DIP2A: variants seen among roughly 807,000 people sequenced by gnomAD.
The protein encoded by DIP2A is DIP2 acetate--CoA ligase A, also known as disco-interacting protein 2 homolog A.
A neutral mutation model predicts 177.4 loss-of-function variants in DIP2A; 85 were observed. That is an observed-to-expected ratio of 0.48 (90% CI 0.40 to 0.57). The LOEUF (loss-of-function observed/expected upper bound fraction) is 0.57, where lower values mean the gene tolerates loss of function less well. DIP2A is among the 20% of genes least tolerant of loss of function. The pLI, the probability that DIP2A is intolerant of heterozygous loss-of-function variation, is 0.00. For synonymous variants in DIP2A, 886 were observed against 881.8 expected, an observed-to-expected ratio of 1.00 and a Z score of -0.08; for missense variants, 1,791 against 2,100.2, an observed-to-expected ratio of 0.85 and a Z score of 2.88.
chr21:46,527,849 A>G (rs1462590904), intron 8 of DIP2A, among the ~76,000 whole-genome samples: 1 of 152,002 alleles, frequency 6.6e-6, no homozygotes, highest in African/African-American at 2.4e-5. Context: ...GGCTCCTTCA[A>G]GTGTGGGGGG....
At chr21:46,515,820 G>A (rs2058549140) in intron 8 of DIP2A, among the ~76,000 whole-genome samples, 1 of 152,144 alleles carries the variant, frequency 6.6e-6, no homozygotes, top group South Asian at 2.1e-4. Flanking sequence ...ACAGGCGTGA[G>A]CTCCCATGCC....
At chr21:46,479,445 C>T (rs1049133955) in intron 1 of DIP2A, among the ~76,000 whole-genome samples, 8 of 152,152 alleles carry the variant, frequency 5.3e-5, no homozygotes, top group Admixed American at 6.6e-5. Context: ...TTAAAAAGCC[C>T]GCTTTTAATT....
chr21:46,561,511 G>T, intron 33 of DIP2A: 1 of 606,114 alleles, frequency 1.6e-6, no homozygotes, highest in Admixed American at 2.6e-5. Context: ...GAAATGTAGA[G>T]TGAGCTGCTG....
chr21:46,564,279 C>G (rs1027043901), intron 35 of DIP2A, among the ~76,000 whole-genome samples: 5 of 152,198 alleles, frequency 3.3e-5, no homozygotes, highest in African/African-American at 1.2e-4. Context: ...CCCTGGCACC[C>G]AGGCAGGAGC....
Position 46,527,263 on chromosome 21 carries a change from T to G in DIP2A, c.1103-1829T>G, listed in dbSNP as rs12053668. Among the ~76,000 whole-genome samples the G allele has an allele frequency of 1.1e-4, 16 of 151,656 alleles. No individual in the cohort carries two copies. The East Asian group carries it at 2.5e-3, about 24-fold the overall frequency. ...ATTCAGTTTGAAATTCTTTATGCAT[T>G]ACAATTATTAACACCTTAAACTGAC... On this transcript the variant is annotated intron_variant, in intron 8 of 37. Transcript: ENST00000417564.
At position 46,503,570 on chromosome 21, in the gene DIP2A, T is replaced by TCC. The variant is rs1427829613; in HGVS notation, c.656-791_656-790insCC. ...TTTGTTTCTGCTTCCTTGAGGGAAT[T>TCC]TCTTCCTTCCTTCCTTCCTTCCTTC... On this transcript the variant is annotated intron_variant, in intron 5 of 37. Coordinates refer to ENST00000417564, the MANE Select transcript of DIP2A (RefSeq NM_015151.4). 3.3e-3 allele frequency among the ~76,000 whole-genome samples: 268 copies of TCC among 80,752 alleles called. 6 individuals carry two copies. Among genetic ancestry groups the TCC allele is most frequent in the African/African-American group, 7.1e-3 (145 of 20,498 alleles). The allele number at this position is 80,752 out of a possible 152,430, so 53.0% of individuals were successfully genotyped here.
At position 46,498,676 on chromosome 21, in the gene DIP2A, G is replaced by A; in HGVS notation, c.498G>A (p.Trp166Ter). The A allele has an allele frequency of 6.2e-7, 1 of 1,613,720 alleles. No homozygotes were observed. ...PLQSHSSVEPWLDRVIQGSST... is the reference protein window; with the variant it reads ...PLQSHSSVEP ...AGAGCCATTCCAGCGTCGAGCCCTG[G>A]CTCGACCGGGTCATTCAGGGCTCGT... Residue 166 changes from tryptophan to a stop codon, truncating the protein, a stop_gained, in exon 5 of 38, where the codon TGG becomes TGA. Transcript: ENST00000417564. LOFTEE classifies it high-confidence loss of function. This position sits in a 1 kb window ranked among gnomAD's most constrained non-coding sequence, Gnocchi z 4.3.
At chr21:46,531,674 A>G (rs571957687) in intron 9 of DIP2A, among the ~76,000 whole-genome samples, 35 of 152,364 alleles carry the variant, frequency 2.3e-4, no homozygotes, top group African/African-American at 8.2e-4. Context: ...TCTGCCTCCT[A>G]TAATATTACA....
chr21:46,498,621 G>T lies in DIP2A; in HGVS notation c.443G>T (p.Arg148Leu). 1 of 1,612,550 alleles carries T rather than the reference G, an allele frequency of 6.2e-7. No individual in the cohort carries two copies. Among genetic ancestry groups the T allele is most frequent in the South Asian group, 1.1e-5 (1 of 91,042 alleles). Residue 148 changes from arginine to leucine, a missense_variant, in exon 5 of 38, where the codon CGA becomes CTA. Coordinates refer to ENST00000417564, the MANE Select transcript of DIP2A (RefSeq NM_015151.4). This position sits in a 1 kb window ranked among gnomAD's most constrained non-coding sequence, Gnocchi z 4.3. The stretch of plus-strand genomic sequence containing the variant: ...TCAGAAGATGAGGGCTCTTTACGGC[G>T]ACCCGGGCGACTCACCTCCACTCCG... ...SASEDEGSLR[R>L]PGRLTSTPLQ...
intron 15 of DIP2A, 90 bp from the exon 16 acceptor site, chr21:46,538,391 CCT>C (rs2059661207): frequency 6.7e-7 from 1 of 1,482,966 alleles, no homozygotes; most frequent in South Asian, 1.3e-5. Context: ...TGCATGTACA[CCT>C]CTCTGTGGGA....
intron 1 of DIP2A, among the ~76,000 whole-genome samples, chr21:46,470,888 C>G (rs1488479299): frequency 6.8e-6 from 1 of 147,918 alleles, no homozygotes; most frequent in Non-Finnish European, 1.5e-5. Context: ...AAGATAATAC[C>G]ACTGCACTCC....
chr21:46,565,881 A>G lies in DIP2A; in HGVS notation c.4333A>G (p.Ser1445Gly). 1 of 1,613,850 alleles carries G rather than the reference A, an allele frequency of 6.2e-7. No homozygotes were observed. Among genetic ancestry groups the G allele is most frequent in the Admixed American group, 1.7e-5 (1 of 60,020 alleles). ...TCGGCGAACAGAGCTCACTGATGCC[A>G]GTGGAGGTGAGGGGTTGTGGTGAAG... is the stretch of plus-strand genomic sequence containing the variant. ...FLRRTELTDA[S>G]GGRHDALYVV... The change falls in exon 36 of 38, where the codon AGT becomes GGT. Residue 1445 changes from serine (S) to glycine (G), a missense_variant. Transcript: ENST00000417564.
intron 8 of DIP2A, among the ~76,000 whole-genome samples, chr21:46,523,335 A>T (rs1041866097): frequency 2.6e-5 from 4 of 151,420 alleles, no homozygotes; most frequent in African/African-American, 9.7e-5. Flanking sequence ...CCCAGGTTCA[A>T]GCAGTTCTCC....
rs58546395 is a variant in DIP2A, at chr21:46,464,844, T to TTTTTTTTTTTTCCCC, written c.91+5622_91+5623insTTTTTTTTTTTCCCC. Reference sequence around the variant, plus strand: ...TTTTTTTTTTTTTTTTTTTTTTTTTTCAAGAAAACACACAACAAATGTCAG... The same window carrying TTTTTTTTTTTTCCCC: ...TTTTTTTTTTTTTTTTTTTTTTTTTTTTTTTTTTTTTCCCCCAAGAAAACACACAACAAATGTCAG... On this transcript the variant is annotated intron_variant, in intron 1 of 37. Coordinates refer to ENST00000417564, the MANE Select transcript of DIP2A (RefSeq NM_015151.4). Among the ~76,000 whole-genome samples, 2 of 111,218 alleles carry TTTTTTTTTTTTCCCC rather than the reference T, an allele frequency of 1.8e-5. 1 individual carries two copies. The highest frequency in any genetic ancestry group is 8.4e-5 in the African/African-American group (2 of 23,948). 73.0% of individuals were successfully genotyped at this position (111,218 alleles called of 152,430 possible).
chr21:46,579,653 TC>T, the DIP2A span, among the ~76,000 whole-genome samples: 4 of 152,222 alleles, frequency 2.6e-5, no homozygotes, highest in Non-Finnish European at 5.9e-5. Flanking sequence ...GTATATTGTC[TC>T]TTTGTTCTCA....
intron 5 of DIP2A, among the ~76,000 whole-genome samples, chr21:46,501,348 G>C (rs1394902526): frequency 6.6e-6 from 1 of 151,860 alleles, no homozygotes; most frequent in Non-Finnish European, 1.5e-5. Context: ...TTTAATTATA[G>C]TAGCTTCTTT....
intron 13 of DIP2A, among the ~76,000 whole-genome samples, chr21:46,535,447 C>T (rs1291770225): frequency 1.3e-5 from 2 of 152,070 alleles, no homozygotes; most frequent in Non-Finnish European, 2.9e-5. Context: ...AGGCCAGGTG[C>T]AGTGGTTCAT....
At chr21:46,566,846 G>A (rs9975751) in intron 37 of DIP2A, among the ~76,000 whole-genome samples, 163 bp downstream of exon 37, 19,733 of 152,240 alleles carry the variant, frequency 0.13, 1,791 homozygotes, top group African/African-American at 0.26. Flanking sequence ...CCATGTAGAT[G>A]AGCCCTATCT....
chr21:46,480,940 CTTT>C (rs1044954811), intron 1 of DIP2A, among the ~76,000 whole-genome samples: 4 of 152,208 alleles, frequency 2.6e-5, no homozygotes, highest in African/African-American at 7.2e-5. Context: ...TGAAGTACTT[CTTT>C]GTCAGACACT....
Sources: allele counts gnomAD v4.1 joint callset (sites outside exome capture counted in the v4.1 genomes callset), GRCh38; gene constraint gnomAD v4.1.1; non-coding constraint Gnocchi (gnomAD v3.1); transcripts MANE v1.5; gene names NCBI Gene and HGNC (gene_info 2026-07-23, HGNC 2026-07-21).